VWA8: variants seen among roughly 807,000 people sequenced by gnomAD.
The protein encoded by VWA8 is von Willebrand factor A domain containing 8, also known as von Willebrand factor A domain-containing protein 8.
A neutral mutation model predicts 241.5 loss-of-function variants in VWA8; 221 were observed. That is an observed-to-expected ratio of 0.91 (90% CI 0.82 to 1.02). The LOEUF (loss-of-function observed/expected upper bound fraction) is 1.02. Among genes scored for constraint, VWA8 ranks in the 50% least tolerant of loss-of-function variants. The pLI, the probability that VWA8 is intolerant of heterozygous loss-of-function variation, is 0.00. For missense variants in VWA8, 2,322 were observed against 2,328.7 expected (o/e 1.00, Z 0.06); for synonymous variants, 852 against 827.1 (o/e 1.03, Z -0.52).
intron 37 of VWA8, among the ~76,000 whole-genome samples, chr13:41,630,271 T>C (rs2139673848): frequency 6.8e-6 from 1 of 147,578 alleles, no homozygotes; most frequent in Non-Finnish European, 1.5e-5. Context: ...CCTTTTCAAA[T>C]CAACCATCAG....
chr13:41,775,151 A>G (rs182452695), intron 20 of VWA8, among the ~76,000 whole-genome samples: 2 of 152,344 alleles, frequency 1.3e-5, no homozygotes, highest in East Asian at 1.9e-4. Flanking sequence ...ATCATGGAGG[A>G]CATCAAATGA....
intron 37 of VWA8, among the ~76,000 whole-genome samples, chr13:41,619,323 A>T (rs372832429): frequency 2.0e-5 from 3 of 152,058 alleles, no homozygotes; most frequent in Admixed American, 6.6e-5. Flanking sequence ...TGATTTTGTA[A>T]CCTGAGACTT....
intron 17 of VWA8, among the ~76,000 whole-genome samples, chr13:41,810,497 T>G (rs190299318): frequency 1.8e-4 from 28 of 152,294 alleles, no homozygotes; most frequent in African/African-American, 6.7e-4. Context: ...CTACAGCACA[T>G]TATTTAAACT....
chr13:41,872,590 C>A (rs1302141301), intron 9 of VWA8, among the ~76,000 whole-genome samples: 2 of 152,178 alleles, frequency 1.3e-5, no homozygotes, highest in East Asian at 1.9e-4. Context: ...TTGTTTTTCT[C>A]AGGTTTGTCA....
intron 12 of VWA8, among the ~76,000 whole-genome samples, chr13:41,854,317 G>A (rs1254461740): frequency 6.6e-6 from 1 of 151,970 alleles, no homozygotes; most frequent in East Asian, 1.9e-4. Context: ...CAATAGAAGA[G>A]CATTCTGTTC....
At chr13:41,571,293 C>CTCT (rs2044300151) in intron 43 of VWA8, among the ~76,000 whole-genome samples, 1 of 149,724 alleles carries the variant, frequency 6.7e-6, no homozygotes, top group African/African-American at 2.5e-5. Flanking sequence ...GTCTCCCTCT[C>CTCT]CCGTCTCCCT....
At position 41,863,408 on chromosome 13, in the gene VWA8, T is replaced by A. The variant is rs1460657821; in HGVS notation, c.1425+2328A>T. On this transcript the variant is annotated intron_variant, in intron 12 of 44. Transcript: ENST00000379310. ...TGTATCTCCTATTTGTGTGTGTGTG[T>A]GTGTGTGTGTGTGTGTGTGTGTGTG... is the stretch of plus-strand genomic sequence containing the variant. Among the ~76,000 whole-genome samples the A allele has an allele frequency of 7.8e-3, 183 of 23,328 alleles. 3 individuals carry two copies. The highest frequency in any genetic ancestry group is 0.021 in the African/African-American group (174 of 8,250). 15.3% of individuals were successfully genotyped at this position (23,328 alleles called of 152,430 possible).
intron 14 of VWA8, among the ~76,000 whole-genome samples, chr13:41,825,858 C>A (rs571362534): frequency 6.6e-6 from 1 of 152,184 alleles, no homozygotes; most frequent in South Asian, 2.1e-4. Flanking sequence ...TAGCTATGAC[C>A]AGCATATAGG....
rs1311659280 is a variant in VWA8, at chr13:41,683,006, T to C, written c.4327+2041A>G. Among the ~76,000 whole-genome samples, 7 of 152,090 alleles carry C rather than the reference T, an allele frequency of 4.6e-5. No homozygotes were observed. The East Asian group carries it at 1.2e-3, about 25-fold the overall frequency. ...AACTGAAACCTCCATTCATTGCTGATAGAAATGCAAAATGGTATTTCCACT... is the reference window on the plus strand; with the variant it reads ...AACTGAAACCTCCATTCATTGCTGACAGAAATGCAAAATGGTATTTCCACT... On this transcript the variant is annotated intron_variant, in intron 35 of 44. Transcript: ENST00000379310.
intron 2 of VWA8, among the ~76,000 whole-genome samples, chr13:41,943,158 C>A (rs1175078446): frequency 6.6e-6 from 1 of 152,094 alleles, no homozygotes; most frequent in African/African-American, 2.4e-5. Flanking sequence ...AGAAAAAAAT[C>A]AATAGTCAAA....
chr13:41,574,929 G>A (rs971444244), intron 43 of VWA8, among the ~76,000 whole-genome samples: 1 of 152,104 alleles, frequency 6.6e-6, no homozygotes, highest in South Asian at 2.1e-4. Context: ...AGGAAAAGAA[G>A]TCATTATATT....
chr13:41,854,303 G>C (rs1233354951), intron 12 of VWA8, among the ~76,000 whole-genome samples: 1 of 151,974 alleles, frequency 6.6e-6, no homozygotes, highest in Non-Finnish European at 1.5e-5. Flanking sequence ...GACAATTGGG[G>C]AAACAATAGA....
intron 12 of VWA8, among the ~76,000 whole-genome samples, chr13:41,852,026 G>C (rs1450677664): frequency 6.6e-6 from 1 of 152,090 alleles, no homozygotes; most frequent in Non-Finnish European, 1.5e-5. Context: ...TATAATGTAT[G>C]TACTAATTTA....
chr13:41,666,492 T>A (rs2044987193), intron 37 of VWA8, among the ~76,000 whole-genome samples: 1 of 152,296 alleles, frequency 6.6e-6, no homozygotes, highest in Admixed American at 6.5e-5. Context: ...AATAAGCAAG[T>A]GGCATGATAG....
rs141434773 is a variant in VWA8, at chr13:41,718,916, A to G, written c.3116+675T>C. Among the ~76,000 whole-genome samples, 330 of 152,040 alleles carry G rather than the reference A, an allele frequency of 2.2e-3. 3 individuals are homozygous for G. Among genetic ancestry groups the G allele is most frequent in the African/African-American group, 7.5e-3 (310 of 41,546 alleles). On this transcript the variant is annotated intron_variant, in intron 26 of 44. Coordinates refer to ENST00000379310, the MANE Select transcript of VWA8 (RefSeq NM_015058.2). ...AAAGATGGTATTAGATGCATTATCA[A>G]TAAGTTAGGCATATTGAAAACTATT...
intron 10 of VWA8, 59 bp from the exon 11 acceptor site, chr13:41,866,095 C>A (rs1873287575): frequency 6.3e-7 from 1 of 1,587,628 alleles, no homozygotes. Flanking sequence ...CGCCTATAAT[C>A]CCAACACTTT....
chr13:41,574,157 TAAAGA>T (rs200400651), intron 43 of VWA8, among the ~76,000 whole-genome samples: 36 of 137,218 alleles, frequency 2.6e-4, no homozygotes, highest in Admixed American at 1.5e-3. Flanking sequence ...AAATCAACAT[TAAAGA>T]AAAGTTTTCT....
At chr13:41,935,714 C>T (rs989326034) in intron 2 of VWA8, among the ~76,000 whole-genome samples, 3 of 151,760 alleles carry the variant, frequency 2.0e-5, no homozygotes, top group African/African-American at 7.2e-5. Context: ...TCTCTCTAAA[C>T]ACAGACAGAC....
rs1019111306 is a variant in VWA8, at chr13:41,689,431, T to C, written c.4054A>G (p.Lys1352Glu). ...SEHLSSAVEQ[K>E]IASPNRILSD... ...AGAATTCTGTTGGGAGAGGCAATCTTTTGTTCCACAGCTGAACTTAGATGT... is the reference window on the plus strand; with the variant it reads ...AGAATTCTGTTGGGAGAGGCAATCTCTTGTTCCACAGCTGAACTTAGATGT... The change falls in exon 34 of 45, where the codon AAG becomes GAG. Residue 1352 changes from lysine to glutamate, a missense_variant. Coordinates refer to ENST00000379310, the MANE Select transcript of VWA8 (RefSeq NM_015058.2). 1.2e-6 allele frequency: 2 copies of C among 1,612,088 alleles called. No individual in the cohort carries two copies. Among genetic ancestry groups the C allele is most frequent in the African/African-American group, 2.7e-5 (2 of 74,838 alleles).
Sources: allele counts gnomAD v4.1 joint callset (sites outside exome capture counted in the v4.1 genomes callset), GRCh38; gene constraint gnomAD v4.1.1; transcripts MANE v1.5; gene names NCBI Gene and HGNC (gene_info 2026-07-23, HGNC 2026-07-21).